PFKFB2: variants seen among roughly 807,000 people sequenced by gnomAD.
PFKFB2 encodes 6-phosphofructo-2-kinase/fructose-2,6-biphosphatase 2.
Under a neutral mutation model 68.0 loss-of-function variants are expected in PFKFB2, and 53 were observed. The observed-to-expected ratio is 0.78, with a 90% confidence interval of 0.63 to 0.98. The LOEUF (loss-of-function observed/expected upper bound fraction) is 0.98, where lower values mean the gene tolerates loss of function less well. Among genes scored for constraint, PFKFB2 ranks in the 50% least tolerant of loss-of-function variants. The pLI, the probability that PFKFB2 is intolerant of heterozygous loss-of-function variation, is 0.00. For synonymous variants in PFKFB2, 222 were observed against 227.6 expected (o/e 0.98, Z 0.22); for missense variants, 451 against 642.0 (o/e 0.70, Z 3.22).
chr1:207,069,588 A>G, intron 11 of PFKFB2, 60 bp downstream of exon 11: 1 of 1,065,920 alleles, frequency 9.4e-7, no homozygotes, highest in Non-Finnish European at 1.5e-6. Context: ...TTTAACTTTA[A>G]TTTGGGGGAA....
intron 2 of PFKFB2, among the ~76,000 whole-genome samples, chr1:207,059,489 A>G (rs1267567465): frequency 1.3e-5 from 2 of 152,160 alleles, no homozygotes; most frequent in Non-Finnish European, 2.9e-5. Context: ...GGGGCCAGTG[A>G]TCAGGGATTA....
chr1:207,072,909 GTGTC>G lies in PFKFB2; in HGVS notation c.*544_*547del. The stretch of plus-strand genomic sequence containing the variant: ...GTCCAGTGTAATGCATGGCATTGTG[GTGTC>G]TGTCTAGGAAGGAAGGGGTGATTGA... On this transcript the variant is annotated 3_prime_UTR_variant, in exon 15 of 15. Coordinates refer to ENST00000367080, the MANE Select transcript of PFKFB2 (RefSeq NM_006212.2). The G allele has an allele frequency of 1.1e-5, 11 of 986,006 alleles. No individual in the cohort carries two copies. The highest frequency in any genetic ancestry group is 1.3e-5 in the Non-Finnish European group (11 of 830,428). 61.1% of individuals were successfully genotyped at this position (986,006 alleles called of 1,614,324 possible). A position where few individuals can be genotyped will look rare whatever the true frequency, so the allele number is the denominator to read the frequency against.
downstream of PFKFB2, chr1:207,080,808 T>C (rs1036666376): frequency 6.6e-6 from 1 of 152,188 alleles, no homozygotes; most frequent in Admixed American, 6.5e-5. Context: ...AGAACGTAGA[T>C]ATCTGTCTTC....
rs756709318 is a variant in PFKFB2 at position 207,072,209 on chromosome 1, C to CT, written c.1358dup (p.Lys455GlnfsTer78). 1.2e-6 allele frequency: 2 copies of CT among 1,613,564 alleles called. No homozygotes were observed. The highest frequency in any genetic ancestry group is 1.7e-6 in the Non-Finnish European group (2 of 1,179,724). ...GTCACTCCATTTCCAATCAGAACAA[C>CT]TTCCCCAAGAACCAAACCCCTGTAA... On this transcript the variant is annotated frameshift_variant, in exon 15 of 15. Transcript: ENST00000367080. LOFTEE classifies it high-confidence loss of function.
At chr1:207,068,116 G>GTGTGTGTGTA (rs748192395) in intron 9 of PFKFB2, 47 bp from the exon 10 acceptor site, 1 of 1,518,058 alleles carries the variant, frequency 6.6e-7, no homozygotes, top group South Asian at 1.2e-5. Context: ...GTGTGTGTGT[G>GTGTGTGTGTA]TCTGTGTGTT....
In PFKFB2 at chr1:207,077,123, C is replaced by A. The variant is rs1471484659; in HGVS notation, c.*4752C>A. 1 of 984,856 alleles carries A rather than the reference C, an allele frequency of 1.0e-6. No homozygotes were observed. Among genetic ancestry groups the A allele is most frequent in the African/African-American group, 1.7e-5 (1 of 57,190 alleles). 61.0% of individuals were successfully genotyped at this position (984,856 alleles called of 1,614,324 possible). ...GCCTGTTCAGAGCCTGGAGTTGTTA[C>A]CTTTACTTGAAGTCATCTCATCCAG... On this transcript the variant is annotated 3_prime_UTR_variant, in exon 15 of 15. Transcript: ENST00000367080.
At chr1:207,052,251 A>G (rs758888753), upstream of PFKFB2, 8 of 1,610,284 alleles carry the variant, frequency 5.0e-6, no homozygotes, top group African/African-American at 4.0e-5. Flanking sequence ...CACATCTTTC[A>G]TGACTCAATT....
chr1:207,069,664 C>T, intron 11 of PFKFB2, 136 bp downstream of exon 11: 2 of 612,676 alleles, frequency 3.3e-6, no homozygotes, highest in East Asian at 2.9e-5. Flanking sequence ...ATTTTGGTTT[C>T]ATTCAGCTTA....
chr1:207,045,345 G>A (rs188058305), intron 2 of PFKFB2: 3 of 152,550 alleles, frequency 2.0e-5, no homozygotes, highest in African/African-American at 7.2e-5. Context: ...TACTGAAATT[G>A]AGTTCTACTG....
intron 2 of PFKFB2, among the ~76,000 whole-genome samples, chr1:207,058,972 G>A (rs868250317): frequency 6.6e-6 from 1 of 152,194 alleles, no homozygotes; most frequent in Non-Finnish European, 1.5e-5. Flanking sequence ...AGTGGCAGGT[G>A]GTTTTGTTTT....
chr1:207,079,776 T>C (rs1457158940), downstream of PFKFB2: 4 of 152,088 alleles, frequency 2.6e-5, no homozygotes, highest in Admixed American at 2.0e-4. Flanking sequence ...TCCTGGGTGG[T>C]TGGGAATGTG....
intron 3 of PFKFB2, 107 bp downstream of exon 3, chr1:207,062,185 A>G (rs1384029971): frequency 1.4e-6 from 2 of 1,420,122 alleles, no homozygotes; most frequent in African/African-American, 2.9e-5. Flanking sequence ...TGCTTTTGGC[A>G]GAAATAGCAG....
rs1432481643 is a variant in PFKFB2, at chr1:207,074,068, T to G, written c.*1697T>G. Reference sequence around the variant, plus strand: ...ATCATAAACATGCCTGTGTCCACCTTATGCTTAATACTGACTCAGAATCTC... The same window carrying G: ...ATCATAAACATGCCTGTGTCCACCTGATGCTTAATACTGACTCAGAATCTC... On this transcript the variant is annotated 3_prime_UTR_variant, in exon 15 of 15. Transcript: ENST00000367080. The G allele has an allele frequency of 3.4e-6, 3 of 893,052 alleles. No homozygotes were observed. In the Admixed American group the frequency reaches 1.9e-4, roughly 55 times the overall value. 55.3% of individuals were successfully genotyped at this position (893,052 alleles called of 1,614,324 possible).
downstream of PFKFB2, chr1:207,079,145 G>A (rs922436624): frequency 3.9e-5 from 30 of 775,640 alleles, no homozygotes; most frequent in Non-Finnish European, 6.1e-5. Flanking sequence ...CCACCAAAAC[G>A]AGGCCTGGAG....
Position 207,069,592 on chromosome 1 carries a change from G to A in PFKFB2, c.1092+64G>A, listed in dbSNP as rs1319199944. ...CTTGCTGAGTGTTTAACTTTAATTT[G>A]GGGGAAGGATTGAATGTGATTTGGA... On this transcript the variant is annotated intron_variant, in intron 11 of 14. Transcript: ENST00000367080. 4.8e-6 allele frequency: 5 copies of A among 1,052,528 alleles called. No homozygotes were observed. In the East Asian group the frequency reaches 1.2e-4, roughly 25 times the overall value. The allele number at this position is 1,052,528 out of a possible 1,614,324, so 65.2% of individuals were successfully genotyped here.
intron 2 of PFKFB2, chr1:207,044,193 C>T (rs1682538235): frequency 6.6e-6 from 1 of 152,438 alleles, no homozygotes. Context: ...GCGTTAGGAA[C>T]CTCTGTCTCT....
At chr1:207,068,424 C>A in intron 10 of PFKFB2, 115 bp downstream of exon 10, 2 of 859,698 alleles carry the variant, frequency 2.3e-6, no homozygotes, top group East Asian at 2.9e-5. Flanking sequence ...AGTAAAAACT[C>A]TGAGGAAGCT....
intron 10 of PFKFB2, among the ~76,000 whole-genome samples, chr1:207,068,742 A>ATTTC (rs59681972): frequency 0.07 from 10,261 of 146,682 alleles, 1,151 homozygotes; most frequent in African/African-American, 0.25. Context: ...AAAAGTAGAC[A>ATTTC]TTTCTTTCTT....
chr1:207,050,829 G>A, upstream of PFKFB2: 4 of 1,613,062 alleles, frequency 2.5e-6, no homozygotes, highest in Non-Finnish European at 3.4e-6. Context: ...TCCCGCACCC[G>A]GGTCCGGCTG....
Sources: gnomAD v4.1 joint callset for allele counts (sites outside exome capture counted in the v4.1 genomes callset) on GRCh38, gnomAD v4.1.1 for gene constraint, MANE v1.5 for transcripts, NCBI Gene and HGNC (gene_info 2026-07-23, HGNC 2026-07-21) for gene names.